The following CGAS variants were observed in gnomAD, a reference collection of about 807,000 sequenced individuals.
CGAS encodes the protein cyclic GMP-AMP synthase.
In CGAS, 31 loss-of-function variants were observed where a neutral mutation model predicts 34.0. The observed-to-expected ratio is 0.91, with a 90% CI of 0.69 to 1.23. The LOEUF (loss-of-function observed/expected upper bound fraction) is 1.23, where lower values mean the gene tolerates loss of function less well. Ranked by LOEUF, CGAS falls within the 50% of genes most tolerant of loss-of-function variation. The pLI is 0.00. For missense variants in CGAS, 597 were observed against 657.6 expected (o/e 0.91, Z 1.01); for synonymous variants, 266 against 260.0 (o/e 1.02, Z -0.22).
rs750841042 is a variant in CGAS at position 73,451,892 on chromosome 6, G to A, written c.290C>T (p.Thr97Ile). The change falls in exon 1 of 5, where the codon ACC becomes ATC. Residue 97 changes from threonine (T) to isoleucine (I), a missense_variant. Thr to Ile is a moderately conservative substitution (Grantham distance 89). Coordinates refer to ENST00000370315, the MANE Select transcript of CGAS (RefSeq NM_138441.3). ...CAGCCCCTCTGCCCCAGGGGCGCTG[G>A]TGGCGTCAGACGGCTGCGTGTCCTG... The part of the protein sequence containing the change: ...RAQDTQPSDA[T>I]SAPGAEGLEP... 22 of 1,536,316 alleles carry A rather than the reference G, an allele frequency of 1.4e-5. No individual in the cohort carries two copies. The Middle Eastern group carries it at 7.5e-4, about 52-fold the overall frequency.
At chr6:73,445,877 T>C in intron 1 of CGAS, 130 bp from the exon 2 acceptor site, 3 of 636,814 alleles carry the variant, frequency 4.7e-6, no homozygotes, top group Non-Finnish European at 7.8e-6. Flanking sequence ...ATATATACCC[T>C]CTGGGAGTGG....
intron 4 of CGAS, among the ~76,000 whole-genome samples, chr6:73,426,058 G>A (rs972941123): frequency 1.3e-5 from 2 of 152,044 alleles, no homozygotes; most frequent in African/African-American, 4.8e-5. Context: ...GCCTAGGCAG[G>A]CGGATCACGA....
chr6:73,435,774 A>G (rs1438230325), intron 3 of CGAS, among the ~76,000 whole-genome samples: 1 of 63,882 alleles, frequency 1.6e-5, no homozygotes, highest in Non-Finnish European at 3.1e-5. Flanking sequence ...CCCTGTGTCT[A>G]CTTTAAAAAA....
chr6:73,437,596 G>A (rs1231180703), intron 3 of CGAS, among the ~76,000 whole-genome samples: 1 of 151,970 alleles, frequency 6.6e-6, no homozygotes, highest in East Asian at 1.9e-4. Flanking sequence ...GGGCCACTGC[G>A]CCTGGCTGAA....
rs1770059616 is a variant in CGAS, at chr6:73,424,948, G to A, written c.*279C>T. The stretch of plus-strand genomic sequence containing the variant: ...GACTCACTGCAACCTCCACCTCCTG[G>A]GTTCAAGTGATTCTCATGTCTAAGC... On this transcript the variant is annotated 3_prime_UTR_variant, in exon 5 of 5. Transcript: ENST00000370315. The A allele has an allele frequency of 4.9e-6, 1 of 202,544 alleles. No individual in the cohort carries two copies. The highest frequency in any genetic ancestry group is 6.0e-5 in the Admixed American group (1 of 16,544). 12.5% of individuals were successfully genotyped at this position (202,544 alleles called of 1,614,324 possible). A position where few individuals can be genotyped will look rare whatever the true frequency, so the allele number is the denominator to read the frequency against.
At position 73,452,136 on chromosome 6, in the gene CGAS, C is replaced by T; in HGVS notation, c.46G>A (p.Gly16Arg). The change falls in exon 1 of 5, where the codon GGA becomes AGA. Residue 16 changes from glycine (G) to arginine (R), a missense_variant. Gly to Arg is a moderately radical substitution (Grantham distance 125, BLOSUM62 -2). Around this residue, in one of 3 missense-constraint regions of CGAS, gnomAD observed 321 missense variants for 314.3 expected, o/e 1.02. Transcript: ENST00000370315. ...GKAMQRASEA[G>R]ATAPKASARN... is the part of the protein sequence containing the mutation. The stretch of plus-strand genomic sequence containing the variant: ...GCGGAAGCCTTGGGGGCAGTGGCTC[C>T]GGCCTCGGAAGCTCTCTGCATGGCC... 1 of 1,607,050 alleles carries T rather than the reference C, an allele frequency of 6.2e-7. No individual in the cohort carries two copies. The highest frequency in any genetic ancestry group is 8.5e-7 in the Non-Finnish European group (1 of 1,177,520).
chr6:73,433,671 T>C (rs1156374121), intron 3 of CGAS, among the ~76,000 whole-genome samples: 1 of 151,736 alleles, frequency 6.6e-6, no homozygotes, highest in Admixed American at 6.6e-5. Flanking sequence ...GTATTTTTAG[T>C]AGAAATGGGG....
At chr6:73,426,935 C>G (rs557637263) in intron 4 of CGAS, among the ~76,000 whole-genome samples, 87 of 151,610 alleles carry the variant, frequency 5.7e-4, no homozygotes, top group Non-Finnish European at 1.1e-3. Context: ...ACCGCAACCT[C>G]TGCCTACTGG....
chr6:73,446,267 T>C (rs1014657718), intron 1 of CGAS, among the ~76,000 whole-genome samples: 1 of 150,670 alleles, frequency 6.6e-6, no homozygotes, highest in Non-Finnish European at 1.5e-5. Context: ...AAGGCAGATG[T>C]TGCAGTGAGC....
intron 3 of CGAS, among the ~76,000 whole-genome samples, 163 bp from the exon 4 acceptor site, chr6:73,428,974 G>A (rs1770136293): frequency 6.6e-6 from 1 of 151,994 alleles, no homozygotes; most frequent in Non-Finnish European, 1.5e-5. Context: ...GTCACCTGAG[G>A]TCGGGAGTTC....
intron 3 of CGAS, among the ~76,000 whole-genome samples, chr6:73,431,524 A>G (rs986774018): frequency 1.3e-5 from 2 of 152,144 alleles, no homozygotes; most frequent in African/African-American, 2.4e-5. Context: ...AAAGCAGAAC[A>G]TGCTAAACGA....
intron 3 of CGAS, among the ~76,000 whole-genome samples, chr6:73,439,574 C>T (rs1482955682): frequency 6.6e-6 from 1 of 152,012 alleles, no homozygotes; most frequent in Non-Finnish European, 1.5e-5. Context: ...TGTAGACCAA[C>T]TCAGTCTGTT....
chr6:73,435,291 T>A (rs928872742), intron 3 of CGAS, among the ~76,000 whole-genome samples: 1 of 152,214 alleles, frequency 6.6e-6, no homozygotes, highest in African/African-American at 2.4e-5. Flanking sequence ...TACACTGAGA[T>A]ATCATTTCTT....
Position 73,451,534 on chromosome 6 carries a change from C to A in CGAS, c.648G>T (p.Glu216Asp). The A allele has an allele frequency of 6.4e-7, 1 of 1,565,614 alleles. No homozygotes were observed. Among genetic ancestry groups the A allele is most frequent in the Non-Finnish European group, 8.7e-7 (1 of 1,155,442 alleles). Residue 216 changes from glutamate (E) to aspartate (D), a missense_variant, in exon 1 of 5, where the codon GAG becomes GAT. Coordinates refer to ENST00000370315, the MANE Select transcript of CGAS (RefSeq NM_138441.3). ...GCGCCAAGCAGCTCACCTTCACGTG[C>A]TCATAGTAGCTCCCGGTGTTCAGCA... ...VGLLNTGSYY[E>D]HVKISAPNEF... is the part of the protein sequence containing the mutation.
intron 2 of CGAS, among the ~76,000 whole-genome samples, chr6:73,440,908 GA>G (rs113526694): frequency 1.4e-5 from 2 of 143,860 alleles, no homozygotes; most frequent in Admixed American, 6.9e-5. Context: ...TCTCAAAAAA[GA>G]AAAAAAAACA....
chr6:73,427,278 C>CTTTATTTATTTATTTATTTA (rs10628387), intron 4 of CGAS, among the ~76,000 whole-genome samples: 1 of 143,514 alleles, frequency 7.0e-6, no homozygotes, highest in Non-Finnish European at 1.5e-5. Context: ...GGCCAACTTA[C>CTTTATTTATTTATTTATTTA]TTTATTTATT....
At chr6:73,448,673 G>A (rs1269284436) in intron 1 of CGAS, among the ~76,000 whole-genome samples, 1 of 152,054 alleles carries the variant, frequency 6.6e-6, no homozygotes, top group East Asian at 1.9e-4. Flanking sequence ...ATTTTTGGTA[G>A]AGCTGGGGTC....
At chr6:73,449,001 C>A (rs1770514306) in intron 1 of CGAS, among the ~76,000 whole-genome samples, 1 of 151,148 alleles carries the variant, frequency 6.6e-6, no homozygotes, top group East Asian at 1.9e-4. Flanking sequence ...AGGCAGGAGA[C>A]TCACTTGAAC....
At chr6:73,451,422 T>C (rs1770562708) in intron 1 of CGAS, 103 bp downstream of exon 1, 8 of 1,266,998 alleles carry the variant, frequency 6.3e-6, no homozygotes, top group Non-Finnish European at 6.4e-6. Flanking sequence ...AAGTCTAAGT[T>C]ACTTCCGAAG....
Sources: gnomAD v4.1 joint callset for allele counts (sites outside exome capture counted in the v4.1 genomes callset) on GRCh38, gnomAD v4.1.1 for gene constraint, gnomAD v4.1.1 regional missense constraint, MANE v1.5 for transcripts, NCBI Gene and HGNC (gene_info 2026-07-23, HGNC 2026-07-21) for gene names.